The following MRC2 variants were observed in gnomAD, a reference collection of about 807,000 sequenced individuals.
MRC2 encodes C-type mannose receptor 2.
A neutral mutation model predicts 206.2 loss-of-function variants in MRC2; 84 were observed. That is an observed-to-expected ratio of 0.41 (90% confidence interval 0.34 to 0.49). The LOEUF is 0.49. Ranked by LOEUF, MRC2 falls within the 20% of genes least tolerant of loss-of-function variation. The pLI, the probability that MRC2 is intolerant of heterozygous loss-of-function variation, is 0.31. For synonymous variants in MRC2, 798 were observed against 800.0 expected, an observed-to-expected ratio of 1.00 and a Z score of 0.04; for missense variants, 1,676 against 2,001.5, an observed-to-expected ratio of 0.84 and a Z score of 3.10.
Position 62,680,080 on chromosome 17 carries a change from A to C in MRC2, c.2299-90A>C, listed in dbSNP as rs1322326886. 3.2e-6 allele frequency: 5 copies of C among 1,575,230 alleles called. No homozygotes were observed. The highest frequency in any genetic ancestry group is 3.5e-6 in the Non-Finnish European group (4 of 1,155,314). ...GGCCCCCGGTGAGAATTCGCAGCTC[A>C]GGCCAGGCCTCTTGTTCACCTGTTC... On this transcript the variant is annotated intron_variant, in intron 14 of 29. Coordinates refer to ENST00000303375, the MANE Select transcript of MRC2 (RefSeq NM_006039.5). This position sits in a 1 kb window ranked among gnomAD's most constrained non-coding sequence, Gnocchi z 4.8.
At position 62,692,085 on chromosome 17, in the gene MRC2, T is replaced by C. The variant is rs370903618; in HGVS notation, c.4193-27T>C. 6.1e-5 allele frequency: 99 copies of C among 1,614,064 alleles called. No individual in the cohort carries two copies. Among genetic ancestry groups the C allele is most frequent in the Non-Finnish European group, 8.1e-5 (95 of 1,180,028 alleles). On this transcript the variant is annotated intron_variant, in intron 28 of 29. Transcript: ENST00000303375. This position sits in a 1 kb window ranked among gnomAD's most constrained non-coding sequence, Gnocchi z 4.2. ...TTATTACGATGATCACTGCTATTATTAACTGGCCCCCTCCTCTTGCCCACA... is the reference window on the plus strand; with the variant it reads ...TTATTACGATGATCACTGCTATTATCAACTGGCCCCCTCCTCTTGCCCACA...
At chr17:62,665,413 C>CAAA (rs533169133) in intron 2 of MRC2, among the ~76,000 whole-genome samples, 53 of 118,408 alleles carry the variant, frequency 4.5e-4, no homozygotes, top group African/African-American at 1.5e-3. Context: ...CCCCCCCCCA[C>CAAA]AAAAAAAAAA....
intron 10 of MRC2, 52 bp from the exon 11 acceptor site, chr17:62,676,331 G>C: frequency 6.2e-7 from 1 of 1,604,814 alleles, no homozygotes; most frequent in Non-Finnish European, 8.5e-7. Flanking sequence ...GCCTGTGACT[G>C]GGGGATTGGG....
In MRC2 at chr17:62,680,124, G is replaced by A; in HGVS notation, c.2299-46G>A. On this transcript the variant is annotated intron_variant, in intron 14 of 29. Transcript: ENST00000303375. The surrounding 1 kb of genome is among the most constrained non-coding windows in gnomAD (Gnocchi z 4.8). ...CCTGTTCCGGGCATGGGGGCGGCCT[G>A]CACCTTGCGCCTCACGTTCCTCTTC... 1 of 1,611,996 alleles carries A rather than the reference G, an allele frequency of 6.2e-7. No individual in the cohort carries two copies. The highest frequency in any genetic ancestry group is 8.5e-7 in the Non-Finnish European group (1 of 1,178,940).
chr17:62,645,275 C>T (rs1440378160), intron 1 of MRC2, among the ~76,000 whole-genome samples: 1 of 151,870 alleles, frequency 6.6e-6, no homozygotes, highest in Non-Finnish European at 1.5e-5. Flanking sequence ...TTTAAACCTT[C>T]ACATTCCTCC....
Position 62,667,581 on chromosome 17 carries a change from G to C in MRC2, c.1117+48G>C. 2.6e-6 allele frequency: 4 copies of C among 1,556,094 alleles called. No individual in the cohort carries two copies. The highest frequency in any genetic ancestry group is 3.4e-6 in the Non-Finnish European group (4 of 1,161,886). On this transcript the variant is annotated intron_variant, in intron 6 of 29. Transcript: ENST00000303375. The surrounding 1 kb of genome is among the most constrained non-coding windows in gnomAD (Gnocchi z 4.1). ...GGGTGGGGAGGGGCTCCCAGGGCCA[G>C]GGACACAGCCACAGAGCCGTGGCAG...
At chr17:62,660,038 T>C (rs982491727) in intron 1 of MRC2, among the ~76,000 whole-genome samples, 12 of 152,192 alleles carry the variant, frequency 7.9e-5, no homozygotes, top group African/African-American at 2.9e-4. Flanking sequence ...GTTCTGGAAG[T>C]GGCAGAGTAG....
At position 62,681,823 on chromosome 17, in the gene MRC2, C is replaced by T; in HGVS notation, c.2703-14C>T. Reference sequence around the variant, plus strand: ...GGCCGGTGCTGGAGTTACCTCTGCTCCATGCCATTGCAGATGGACAGATGG... The same window carrying T: ...GGCCGGTGCTGGAGTTACCTCTGCTTCATGCCATTGCAGATGGACAGATGG... On this transcript the variant is annotated splice_polypyrimidine_tract_variant and intron_variant, in intron 18 of 29. Coordinates refer to ENST00000303375, the MANE Select transcript of MRC2 (RefSeq NM_006039.5). 1.2e-6 allele frequency: 2 copies of T among 1,606,264 alleles called. No individual in the cohort carries two copies. Among genetic ancestry groups the T allele is most frequent in the South Asian group, 2.2e-5 (2 of 90,052 alleles).
intron 1 of MRC2, among the ~76,000 whole-genome samples, chr17:62,648,519 C>T (rs2088518487): frequency 1.3e-5 from 2 of 152,198 alleles, no homozygotes; most frequent in South Asian, 4.1e-4. Context: ...TTCTGCAGAA[C>T]CGGAATGTGG....
At chr17:62,639,611 G>T (rs1357916270) in intron 1 of MRC2, among the ~76,000 whole-genome samples, 1 of 151,994 alleles carries the variant, frequency 6.6e-6, no homozygotes, top group Non-Finnish European at 1.5e-5. Flanking sequence ...TAATCTCAAA[G>T]ATAAAAAAAA....
chr17:62,649,951 G>A (rs1454803114), intron 1 of MRC2, among the ~76,000 whole-genome samples: 1 of 150,862 alleles, frequency 6.6e-6, no homozygotes, highest in Non-Finnish European at 1.5e-5. Context: ...TGAGGTTGGA[G>A]TGGCACTATC....
chr17:62,678,852 C>T (rs1317310400), intron 13 of MRC2, among the ~76,000 whole-genome samples: 1 of 152,182 alleles, frequency 6.6e-6, no homozygotes, highest in African/African-American at 2.4e-5. Context: ...GGAGAACAGG[C>T]TGGTGTGATC....
rs931466362 is a variant in MRC2, at chr17:62,680,652, G to T, written c.2474-148G>T. On this transcript the variant is annotated intron_variant, in intron 16 of 29. Coordinates refer to ENST00000303375, the MANE Select transcript of MRC2 (RefSeq NM_006039.5). This position sits in a 1 kb window ranked among gnomAD's most constrained non-coding sequence, Gnocchi z 4.8. ...AGGCGAGGCAAGCCTGGGGCCTGGG[G>T]CCTGGCACGGTGCCTGCCTGGGTCC... 1.1e-5 allele frequency: 14 copies of T among 1,269,218 alleles called. No individual in the cohort carries two copies. The African/African-American group carries it at 1.4e-4, about 12-fold the overall frequency. 78.6% of individuals were successfully genotyped at this position (1,269,218 alleles called of 1,614,324 possible). A position where few individuals can be genotyped will look rare whatever the true frequency, so the allele number is the denominator to read the frequency against.
At chr17:62,634,143 C>T (rs1598963818) in intron 1 of MRC2, among the ~76,000 whole-genome samples, 1 of 152,086 alleles carries the variant, frequency 6.6e-6, no homozygotes, top group African/African-American at 2.4e-5. Flanking sequence ...GTGGGCAATT[C>T]CCGGAACTGA....
Position 62,678,662 on chromosome 17 carries a change from G to A in MRC2, c.2195+16G>A, listed in dbSNP as rs2088923935. 6.2e-7 allele frequency: 1 copy of A among 1,606,834 alleles called. No homozygotes were observed. Among genetic ancestry groups the A allele is most frequent in the Non-Finnish European group, 8.5e-7 (1 of 1,177,466 alleles). On this transcript the variant is annotated intron_variant, in intron 13 of 29. Transcript: ENST00000303375. ...AGATCTTCGGGTACTGAGCCGGGCT[G>A]AGGCGTGTTAGGAGGGCACCCGCAC... is the stretch of plus-strand genomic sequence containing the variant.
At chr17:62,630,876 TCTTACTGTTCCC>T (rs1218435100) in intron 1 of MRC2, among the ~76,000 whole-genome samples, 1 of 152,052 alleles carries the variant, frequency 6.6e-6, no homozygotes, top group East Asian at 1.9e-4. Context: ...TTCGGAAACT[TCTTACTGTTCCC>T]CCACGCAAAA....
In MRC2 at chr17:62,664,541, C is replaced by T; in HGVS notation, c.119-7C>T. The T allele has an allele frequency of 6.2e-7, 1 of 1,602,230 alleles. No individual in the cohort carries two copies. Among genetic ancestry groups the T allele is most frequent in the Non-Finnish European group, 8.5e-7 (1 of 1,174,162 alleles). ...GTGATGCCTTCGTGTCTTGCCTTCC[C>T]TTCCAGAACCCAACGTCTTCCTCAT... On this transcript the variant is annotated splice_region_variant and splice_polypyrimidine_tract_variant and intron_variant, in intron 1 of 29. Transcript: ENST00000303375. This position sits in a 1 kb window ranked among gnomAD's most constrained non-coding sequence, Gnocchi z 4.7.
Position 62,671,448 on chromosome 17 carries a change from C to T in MRC2, c.1118-201C>T, listed in dbSNP as rs1034571388. On this transcript the variant is annotated intron_variant, in intron 6 of 29. Transcript: ENST00000303375. This position sits in a 1 kb window ranked among gnomAD's most constrained non-coding sequence, Gnocchi z 4.5. The stretch of plus-strand genomic sequence containing the variant: ...GAATCTGCCACCACGACTTGGGTCT[C>T]TGTCCCGGGGCTCCAGCAGCCCTGT... 6.6e-6 allele frequency among the ~76,000 whole-genome samples: 1 copy of T among 152,234 alleles called. No individual in the cohort carries two copies. Among genetic ancestry groups the T allele is most frequent in the Non-Finnish European group, 1.5e-5 (1 of 68,044 alleles).
chr17:62,689,995 G>A lies in MRC2; in HGVS notation c.3675G>A (p.Val1225=). ...QQPGGCTYVD[V]DGAWRTTSCD... is the part of the protein sequence containing the mutation. ...CGGGGGGCTGTACCTACGTAGATGTGGACGGGGCCTGGCGCACCACCAGCT... is the reference window on the plus strand; with the variant it reads ...CGGGGGGCTGTACCTACGTAGATGTAGACGGGGCCTGGCGCACCACCAGCT... Residue 1225 remains valine, a synonymous_variant, in exon 25 of 30, where the codon GTG becomes GTA. Transcript: ENST00000303375. 6.2e-7 allele frequency: 1 copy of A among 1,612,500 alleles called. No homozygotes were observed. Among genetic ancestry groups the A allele is most frequent in the South Asian group, 1.1e-5 (1 of 91,008 alleles).
Sources: gnomAD v4.1 joint callset for allele counts (sites outside exome capture counted in the v4.1 genomes callset) on GRCh38, gnomAD v4.1.1 for gene constraint, Gnocchi (gnomAD v3.1) non-coding constraint, MANE v1.5 for transcripts, NCBI Gene and HGNC (gene_info 2026-07-23, HGNC 2026-07-21) for gene names.